Variants in DIAPH2 observed in about 807,000 individuals in gnomAD.
DIAPH2 encodes diaphanous related formin 2.
A neutral mutation model predicts 92.7 loss-of-function variants in DIAPH2; 35 were observed. The ratio of observed to expected loss-of-function variants is 0.38; its 90% CI spans 0.29 to 0.50. The LOEUF (loss-of-function observed/expected upper bound fraction) is 0.50, where lower values mean the gene tolerates loss of function less well. Among genes scored for constraint, DIAPH2 ranks in the 20% least tolerant of loss-of-function variants. The pLI is 0.94. For synonymous variants in DIAPH2, 301 were observed against 280.4 expected (o/e 1.07, Z -0.73); for missense variants, 701 against 819.5 (o/e 0.86, Z 1.77).
At chrX:96,891,283 G>A (rs148355615) in intron 5 of DIAPH2, among the ~76,000 whole-genome samples, 36 of 112,151 alleles carry the variant, frequency 3.2e-4, no homozygotes, top group Non-Finnish European at 6.2e-4. Flanking sequence ...CAATAGCCTT[G>A]TTACAGTTGC....
chrX:96,773,992 T>C (rs1373027820), intron 4 of DIAPH2, among the ~76,000 whole-genome samples: 1 of 112,343 alleles, frequency 8.9e-6, no homozygotes, highest in Non-Finnish European at 1.9e-5. Context: ...TAATACAGTA[T>C]GTAACAGTCA....
chrX:96,941,228 T>A (rs2065702272), intron 12 of DIAPH2, among the ~76,000 whole-genome samples: 1 of 112,001 alleles, frequency 8.9e-6, no homozygotes, highest in African/African-American at 3.2e-5. Context: ...TTGTCTATAG[T>A]CGTACTTCTT....
At chrX:97,070,644 A>G (rs1457609059) in intron 17 of DIAPH2, among the ~76,000 whole-genome samples, 1 of 111,931 alleles carries the variant, frequency 8.9e-6, no homozygotes, top group Non-Finnish European at 1.9e-5. Context: ...TAGTTCTGAA[A>G]GCCTGTCTAG....
chrX:97,141,886 ATTTTT>A, intron 22 of DIAPH2, 92 bp downstream of exon 22: 2 of 995,546 alleles, frequency 2.0e-6, no homozygotes, highest in Non-Finnish European at 2.7e-6. Flanking sequence ...TCATAAAAGT[ATTTTT>A]TGTTTGTTTA....
intron 22 of DIAPH2, among the ~76,000 whole-genome samples, chrX:97,142,609 G>T (rs923979672): frequency 2.7e-5 from 3 of 111,647 alleles, no homozygotes; most frequent in African/African-American, 9.8e-5. Flanking sequence ...ATGTCTCTGA[G>T]ATTTTAATTC....
chrX:97,426,289 CT>C (rs377271017), intron 25 of DIAPH2, among the ~76,000 whole-genome samples: 288 of 100,213 alleles, frequency 2.9e-3, no homozygotes, highest in African/African-American at 7.0e-3. Context: ...ATTTCCCTGC[CT>C]TTTTTTTTTT....
rs191053978 is a variant in DIAPH2 at position 96,779,889 on chromosome X, C to T, written c.447+21631C>T. On this transcript the variant is annotated intron_variant, in intron 4 of 26. Transcript: ENST00000324765. ...GCTTTGTAAGTTCTACGTTTTTTTC[C>T]GATTCTGTTTTAGAACTCTATTTAT... Among the ~76,000 whole-genome samples the T allele has an allele frequency of 5.4e-5, 6 of 111,660 alleles. No homozygotes were observed. The East Asian group carries it at 1.1e-3, about 21-fold the overall frequency.
chrX:96,744,627 T>G (rs780058583), intron 3 of DIAPH2, among the ~76,000 whole-genome samples: 1 of 112,238 alleles, frequency 8.9e-6, no homozygotes, highest in South Asian at 3.7e-4. Flanking sequence ...TTGCTTTTTA[T>G]GGAGCATCAA....
At chrX:97,421,202 A>G (rs1051252067) in intron 25 of DIAPH2, among the ~76,000 whole-genome samples, 1 of 112,077 alleles carries the variant, frequency 8.9e-6, no homozygotes, top group Admixed American at 9.5e-5. Flanking sequence ...ACTCTTACTG[A>G]TAGATATTAA....
intron 1 of DIAPH2, among the ~76,000 whole-genome samples, chrX:96,723,710 C>T (rs1159345173): frequency 9.0e-6 from 1 of 111,340 alleles, no homozygotes; most frequent in Admixed American, 9.6e-5. Flanking sequence ...ACGAAGGGCC[C>T]ATGTATGTAG....
At position 97,187,281 on chromosome X, in the gene DIAPH2, C is replaced by CTTTTTTTTTTTTTTTTTT. The variant is rs763781923; in HGVS notation, c.2719+45493_2719+45510dup. Among the ~76,000 whole-genome samples the CTTTTTTTTTTTTTTTTTT allele has an allele frequency of 5.7e-4, 21 of 36,883 alleles. 5 individuals are homozygous for CTTTTTTTTTTTTTTTTTT. Among genetic ancestry groups the CTTTTTTTTTTTTTTTTTT allele is most frequent in the East Asian group, 2.4e-3 (2 of 822 alleles). 32.0% of individuals were successfully genotyped at this position (36,883 alleles called of 115,157 possible). ...AGGGATTGAAGACTAATTAAGTAGC[C>CTTTTTTTTTTTTTTTTTT]TTTTTTTTTTTTTTTTTTTTTTTGC... On this transcript the variant is annotated intron_variant, in intron 22 of 26. Transcript: ENST00000324765.
chrX:96,694,318 T>C (rs5949975), intron 1 of DIAPH2, among the ~76,000 whole-genome samples: 6,736 of 110,111 alleles, frequency 0.061, 229 homozygotes, highest in Middle Eastern at 0.16. Flanking sequence ...CACAGAGTTT[T>C]ATATGGTTAC....
intron 17 of DIAPH2, among the ~76,000 whole-genome samples, chrX:96,986,729 C>T (rs1381920555): frequency 2.7e-5 from 3 of 111,114 alleles, no homozygotes; most frequent in African/African-American, 9.8e-5. Flanking sequence ...ACTAAAGCAA[C>T]CTCTTTCCCT....
At chrX:97,110,159 A>G (rs1271252089) in intron 20 of DIAPH2, among the ~76,000 whole-genome samples, 1 of 111,900 alleles carries the variant, frequency 8.9e-6, no homozygotes, top group African/African-American at 3.2e-5. Flanking sequence ...TTAAAAATCA[A>G]TCAGCACATA....
At chrX:97,360,299 G>A (rs946018610) in intron 24 of DIAPH2, among the ~76,000 whole-genome samples, 1 of 111,008 alleles carries the variant, frequency 9.0e-6, no homozygotes, top group Non-Finnish European at 1.9e-5. Context: ...ATATACATTG[G>A]GGACATATAA....
chrX:97,221,265 G>A (rs2067922651), intron 22 of DIAPH2, among the ~76,000 whole-genome samples: 2 of 111,935 alleles, frequency 1.8e-5, no homozygotes, highest in African/African-American at 6.5e-5. Context: ...TATGCATAGT[G>A]AGTTGATTTG....
chrX:96,718,332 C>CTTTTTTTT (rs1569373693), intron 1 of DIAPH2, among the ~76,000 whole-genome samples: 10 of 6,831 alleles, frequency 1.5e-3, no homozygotes, highest in African/African-American at 5.2e-3. Context: ...ACCACATTTT[C>CTTTTTTTT]TTTGTTTTTT....
At chrX:96,748,373 G>C (rs1283724851) in intron 3 of DIAPH2, among the ~76,000 whole-genome samples, 3 of 112,004 alleles carry the variant, frequency 2.7e-5, no homozygotes, top group Admixed American at 9.5e-5. Context: ...TATTTCCATA[G>C]CACTAGGATA....
chrX:96,694,533 G>A (rs6523045), intron 1 of DIAPH2, among the ~76,000 whole-genome samples: 10,902 of 110,245 alleles, frequency 0.099, 519 homozygotes, highest in East Asian at 0.32. Context: ...TAGAGATGGG[G>A]TTTCCCAATG....
Sources: allele counts gnomAD v4.1 joint callset (sites outside exome capture counted in the v4.1 genomes callset), GRCh38; gene constraint gnomAD v4.1.1; transcripts MANE v1.5; gene names NCBI Gene and HGNC (gene_info 2026-07-23, HGNC 2026-07-21).